Variants in RNF24 observed in about 807,000 individuals in gnomAD.
RNF24 encodes the protein ring finger protein 24.
Under a neutral mutation model 20.0 loss-of-function variants are expected in RNF24, and 14 were observed. The observed-to-expected ratio is 0.70, with a 90% CI of 0.46 to 1.10. RNF24 has a LOEUF of 1.10. Among genes scored for constraint, RNF24 ranks in the 50% least tolerant of loss-of-function variants. RNF24 has a pLI of 0.00. For synonymous variants in RNF24, 45 were observed against 61.1 expected, an observed-to-expected ratio of 0.74 and a Z score of 1.23; for missense variants, 124 against 177.6, an observed-to-expected ratio of 0.70 and a Z score of 1.71.
intron 4 of RNF24, among the ~76,000 whole-genome samples, chr20:3,937,337 C>A (rs2090903279): frequency 6.6e-6 from 1 of 152,172 alleles, no homozygotes; most frequent in Non-Finnish European, 1.5e-5. Flanking sequence ...ACTCATTTTA[C>A]AACTTTCCTT....
intron 2 of RNF24, 29 bp from the exon 3 acceptor site, chr20:3,948,308 T>C: frequency 1.3e-6 from 2 of 1,494,474 alleles, no homozygotes; most frequent in Non-Finnish European, 9.1e-7. Flanking sequence ...TAATGCAATA[T>C]TGAGATTTCC....
chr20:3,975,044 A>C (rs1467145568), intron 1 of RNF24, among the ~76,000 whole-genome samples: 1 of 152,234 alleles, frequency 6.6e-6, no homozygotes, highest in Non-Finnish European at 1.5e-5. Flanking sequence ...GATTGGTTTT[A>C]GCAAAAGGAT....
At chr20:3,985,699 A>ATT (rs76466197) in intron 1 of RNF24, among the ~76,000 whole-genome samples, 21 of 131,234 alleles carry the variant, frequency 1.6e-4, no homozygotes, top group South Asian at 4.9e-4. Context: ...ATTCCTAGTA[A>ATT]TTTTTTTTTT....
At chr20:3,977,782 A>G (rs530845773) in intron 1 of RNF24, among the ~76,000 whole-genome samples, 41 of 150,704 alleles carry the variant, frequency 2.7e-4, no homozygotes, top group East Asian at 1.6e-3. Context: ...GGAGAATGGC[A>G]TGAACCCAGA....
intron 1 of RNF24, among the ~76,000 whole-genome samples, chr20:3,998,620 G>A (rs902321340): frequency 1.3e-5 from 2 of 150,284 alleles, no homozygotes; most frequent in Admixed American, 1.3e-4. Flanking sequence ...GCCGGGCGTG[G>A]TGGCGTGTGC....
At chr20:3,965,550 G>A (rs762575023) in intron 1 of RNF24, among the ~76,000 whole-genome samples, 1 of 152,188 alleles carries the variant, frequency 6.6e-6, no homozygotes, top group African/African-American at 2.4e-5. Context: ...TAGAGCAAGT[G>A]CTTTTACTCA....
chr20:3,999,099 A>G (rs1981167695), intron 1 of RNF24, among the ~76,000 whole-genome samples: 2 of 152,190 alleles, frequency 1.3e-5, no homozygotes, highest in Admixed American at 1.3e-4. Context: ...AACAAAACAA[A>G]AAACAAAAAT....
chr20:3,998,488 T>G (rs1981082369), intron 1 of RNF24, among the ~76,000 whole-genome samples: 1 of 135,162 alleles, frequency 7.4e-6, no homozygotes, highest in Non-Finnish European at 1.5e-5. Context: ...GGCTGGAGAA[T>G]CACTTGAACC....
At chr20:3,950,764 C>A (rs1451478187) in intron 2 of RNF24, among the ~76,000 whole-genome samples, 1 of 152,080 alleles carries the variant, frequency 6.6e-6, no homozygotes, top group African/African-American at 2.4e-5. Flanking sequence ...TTTTATACAA[C>A]CATAGTACAA....
intron 1 of RNF24, among the ~76,000 whole-genome samples, chr20:4,004,276 A>G (rs545237420): frequency 1.7e-4 from 26 of 152,252 alleles, no homozygotes; most frequent in African/African-American, 5.8e-4. Context: ...CTGAACTTCA[A>G]TCTTCTGTCT....
chr20:3,987,722 T>C (rs1479844403), intron 1 of RNF24, among the ~76,000 whole-genome samples: 1 of 152,240 alleles, frequency 6.6e-6, no homozygotes, highest in Middle Eastern at 3.2e-3. Context: ...ACAGAGGTTC[T>C]GAGATTCTCA....
At chr20:3,991,246 ACTT>A (rs1568657125) in intron 1 of RNF24, among the ~76,000 whole-genome samples, 1 of 123,482 alleles carries the variant, frequency 8.1e-6, no homozygotes, top group Non-Finnish European at 1.6e-5. Flanking sequence ...TTTTTAAACA[ACTT>A]TTTTTTTTTT....
chr20:3,981,512 CTT>C (rs1420728505), intron 1 of RNF24, among the ~76,000 whole-genome samples: 2 of 143,648 alleles, frequency 1.4e-5, no homozygotes, highest in Non-Finnish European at 1.5e-5. Context: ...CACTTTTTTT[CTT>C]TTTTTTTTTT....
At chr20:3,980,901 C>T (rs887550460) in intron 1 of RNF24, among the ~76,000 whole-genome samples, 2 of 151,284 alleles carry the variant, frequency 1.3e-5, no homozygotes, top group Non-Finnish European at 2.9e-5. Context: ...ACGGCAAAAA[C>T]AGCCTGGAGC....
chr20:3,953,864 C>T (rs2091111523), intron 2 of RNF24, among the ~76,000 whole-genome samples: 1 of 150,552 alleles, frequency 6.6e-6, no homozygotes, highest in African/African-American at 2.4e-5. Flanking sequence ...TCAGGTGATT[C>T]TCTTGTTTCA....
intron 1 of RNF24, among the ~76,000 whole-genome samples, chr20:4,010,048 CACAAACAA>C (rs11468648): frequency 0.77 from 114,076 of 147,264 alleles, 45,851 homozygotes; most frequent in Non-Finnish European, 0.9. Flanking sequence ...GAGACCCTGT[CACAAACAA>C]ACAAACAAAC....
At chr20:3,948,058 A>G (rs1568621859) in intron 3 of RNF24, among the ~76,000 whole-genome samples, 179 bp downstream of exon 3, 1 of 152,124 alleles carries the variant, frequency 6.6e-6, no homozygotes. Context: ...AAAAAAAAAA[A>G]AAGAAGAGAA....
chr20:3,965,645 T>C (rs1048779162), intron 1 of RNF24, among the ~76,000 whole-genome samples: 2 of 152,196 alleles, frequency 1.3e-5, no homozygotes, highest in African/African-American at 2.4e-5. Context: ...CTTTACCAAA[T>C]ATACATAGCA....
intron 1 of RNF24, among the ~76,000 whole-genome samples, chr20:3,986,003 T>G (rs970448161): frequency 1.2e-4 from 18 of 152,166 alleles, no homozygotes; most frequent in Admixed American, 1.3e-4. Context: ...ACCTCAGGCC[T>G]TGGCTTCCCA....
Sources: allele counts gnomAD v4.1 joint callset (sites outside exome capture counted in the v4.1 genomes callset), GRCh38; gene constraint gnomAD v4.1.1; transcripts MANE v1.5; gene names NCBI Gene and HGNC (gene_info 2026-07-23, HGNC 2026-07-21).